Variants in FAT3 observed in about 807,000 individuals in gnomAD.
The protein encoded by FAT3 is FAT atypical cadherin 3.
A neutral mutation model predicts 310.2 loss-of-function variants in FAT3; 95 were observed. That is an observed-to-expected ratio of 0.31 (90% CI 0.26 to 0.36). The LOEUF (loss-of-function observed/expected upper bound fraction) is 0.36, where lower values mean the gene tolerates loss of function less well. FAT3 is among the 10% of genes least tolerant of loss of function. The pLI, the probability that FAT3 is intolerant of heterozygous loss-of-function variation, is 1.00. For missense variants in FAT3, 5,408 were observed against 5,715.6 expected, an observed-to-expected ratio of 0.95 and a Z score of 1.74; for synonymous variants, 2,314 against 2,192.9, an observed-to-expected ratio of 1.06 and a Z score of -1.54.
At chr11:92,813,065 C>T (rs532779843) in intron 13 of FAT3, among the ~76,000 whole-genome samples, 1 of 152,200 alleles carries the variant, frequency 6.6e-6, no homozygotes, top group African/African-American at 2.4e-5. Context: ...GTGTTTGCTT[C>T]CCTTTGACCT....
At chr11:92,565,055 A>C (rs566768660) in intron 3 of FAT3, among the ~76,000 whole-genome samples, 3 of 145,102 alleles carry the variant, frequency 2.1e-5, no homozygotes, top group African/African-American at 7.4e-5. Flanking sequence ...ACTGAAGGAA[A>C]TAGAGACACA....
At chr11:92,777,731 G>C (rs3847528) in intron 7 of FAT3, among the ~76,000 whole-genome samples, 1 of 151,786 alleles carries the variant, frequency 6.6e-6, no homozygotes, top group South Asian at 2.1e-4. Context: ...TAACTTCTCC[G>C]CACCCTAGTC....
chr11:92,288,201 C>T (rs1946605749), intron 1 of FAT3, among the ~76,000 whole-genome samples: 1 of 151,938 alleles, frequency 6.6e-6, no homozygotes, highest in Non-Finnish European at 1.5e-5. Flanking sequence ...GGACATTATG[C>T]AAAGTAAAAT....
rs764711820 is a variant in FAT3, at chr11:92,800,581, G to A, written c.7568G>A (p.Gly2523Asp). 1 of 1,613,802 alleles carries A rather than the reference G, an allele frequency of 6.2e-7. No individual in the cohort carries two copies. Residue 2523 changes from glycine (G) to aspartate (D), a missense_variant, in exon 10 of 28, where the codon GGT (glycine) becomes GAT (aspartate). Physicochemically the swap from Gly to Asp is moderately conservative, Grantham distance 94. This residue lies in a region of FAT3 where 4,588 missense variants were observed against 4,809.8 expected (regional missense o/e 0.95). Transcript: ENST00000525166. ...GTAATTCATGTTCGAGCCACAGATG[G>A]TGATCCAGGGACTTATGGGCAGATC... is the stretch of plus-strand genomic sequence containing the variant. Reference protein sequence around the residue: ...TKVIHVRATDGDPGTYGQISY... With the variant: ...TKVIHVRATDDDPGTYGQISY...
At chr11:92,521,828 A>G (rs926899867) in intron 2 of FAT3, among the ~76,000 whole-genome samples, 2 of 152,114 alleles carry the variant, frequency 1.3e-5, no homozygotes, top group Admixed American at 1.3e-4. Flanking sequence ...TCCTCAGTAA[A>G]TGCTATTTCC....
chr11:92,536,547 T>C (rs193148509), intron 3 of FAT3, among the ~76,000 whole-genome samples: 1 of 152,292 alleles, frequency 6.6e-6, no homozygotes, highest in East Asian at 1.9e-4. Context: ...ATATGTAAAG[T>C]ATTTTAAAGG....
chr11:92,259,186 A>G (rs143080837), intron 1 of FAT3, among the ~76,000 whole-genome samples: 385 of 152,194 alleles, frequency 2.5e-3, no homozygotes, highest in Non-Finnish European at 3.3e-3. Flanking sequence ...CTTTATTTCA[A>G]TTATTTAAGA....
rs139668985 is a variant in FAT3, at chr11:92,872,214, G to T, written c.12127+5005G>T. Among the ~76,000 whole-genome samples the T allele has an allele frequency of 2.7e-3, 407 of 152,316 alleles. 4 individuals carry two copies. The highest frequency in any genetic ancestry group is 9.2e-3 in the African/African-American group (381 of 41,566). ...GCTGAATACTTTGTGTTCCTAACTT[G>T]TAAGAATCGAGATAAATTTAGTCCA... On this transcript the variant is annotated intron_variant, in intron 22 of 27. Coordinates refer to ENST00000525166, the MANE Select transcript of FAT3 (RefSeq NM_001367949.2).
intron 1 of FAT3, among the ~76,000 whole-genome samples, chr11:92,282,026 C>A (rs910651943): frequency 6.6e-6 from 1 of 152,070 alleles, no homozygotes; most frequent in Non-Finnish European, 1.5e-5. Context: ...CTGCCTCAGT[C>A]TCCTGGGGAG....
chr11:92,521,711 G>A (rs1953690692), intron 2 of FAT3, among the ~76,000 whole-genome samples: 1 of 152,152 alleles, frequency 6.6e-6, no homozygotes, highest in African/African-American at 2.4e-5. Flanking sequence ...ACATTTAGCT[G>A]TGGAGCCTTG....
chr11:92,592,924 A>G (rs1939510294), intron 3 of FAT3, among the ~76,000 whole-genome samples: 1 of 152,084 alleles, frequency 6.6e-6, no homozygotes, highest in Non-Finnish European at 1.5e-5. Context: ...AACTGTTTTC[A>G]TTTTGCAAAA....
intron 2 of FAT3, among the ~76,000 whole-genome samples, chr11:92,431,686 G>A (rs895604460): frequency 5.9e-5 from 9 of 152,220 alleles, no homozygotes; most frequent in African/African-American, 2.2e-4. Flanking sequence ...ATTAATTTTT[G>A]TATAAGGTAT....
chr11:92,719,720 CTGTGTGTGTGTGTGTG>C lies in FAT3; in HGVS notation c.3669+22311_3669+22326del, dbSNP rs751825746. Among the ~76,000 whole-genome samples, 1,254 of 136,852 alleles carry C rather than the reference CTGTGTGTGTGTGTGTG, an allele frequency of 9.2e-3. 12 individuals are homozygous for C. Among genetic ancestry groups the C allele is most frequent in the South Asian group, 0.022 (88 of 3,936 alleles). The allele number at this position is 136,852 out of a possible 152,430, so 89.8% of individuals were successfully genotyped here. ...ACCCATGGATACAGGAGAACCAACT[CTGTGTGTGTGTGTGTG>C]TGTGTGTGTGTGTGTGTGTGTGTGT... On this transcript the variant is annotated intron_variant, in intron 4 of 27. Coordinates refer to ENST00000525166, the MANE Select transcript of FAT3 (RefSeq NM_001367949.2).
chr11:92,840,434 C>T, intron 17 of FAT3, 128 bp from the exon 18 acceptor site: 1 of 817,988 alleles, frequency 1.2e-6, no homozygotes, highest in Non-Finnish European at 1.8e-6. Context: ...CTGCTGAAAG[C>T]CCTGTTTTCT....
In FAT3 at chr11:92,353,184, G is replaced by C. The variant is rs1341121106; in HGVS notation, c.1072G>C (p.Ala358Pro). The C allele has an allele frequency of 1.2e-6, 2 of 1,613,666 alleles. No individual in the cohort carries two copies. The highest frequency in any genetic ancestry group is 2.2e-5 in the South Asian group (2 of 91,054). ...CAAGGGATCTCCTCAAAAATGTTCA[G>C]CATTAAAGGCAGTCTACATTGGCAA... ...KDKGSPQKCSALKAVYIGNPT... is the reference protein window; with the variant it reads ...KDKGSPQKCSPLKAVYIGNPT... The change falls in exon 2 of 28, where the codon GCA becomes CCA. Residue 358 changes from alanine (A) to proline (P), a missense_variant. Coordinates refer to ENST00000525166, the MANE Select transcript of FAT3 (RefSeq NM_001367949.2).
rs145995539 is a variant in FAT3, at chr11:92,819,545, C to T, written c.9481+9469C>T. Among the ~76,000 whole-genome samples the T allele has an allele frequency of 3.4e-4, 52 of 152,272 alleles. 1 individual carries two copies. In the East Asian group the frequency reaches 7.7e-3, roughly 23 times the overall value. On this transcript the variant is annotated intron_variant, in intron 13 of 27. Coordinates refer to ENST00000525166, the MANE Select transcript of FAT3 (RefSeq NM_001367949.2). ...ATTCTTAATATTTTTGTGTCACAAA[C>T]GCCTTAACAGTTTGGTAATACCTGT... is the stretch of plus-strand genomic sequence containing the variant.
intron 3 of FAT3, among the ~76,000 whole-genome samples, chr11:92,586,110 A>C (rs1939139996): frequency 6.6e-6 from 1 of 152,016 alleles, no homozygotes; most frequent in Non-Finnish European, 1.5e-5. Flanking sequence ...TCAGATAGAA[A>C]AGGTAAAGGC....
intron 1 of FAT3, among the ~76,000 whole-genome samples, chr11:92,258,367 G>A (rs1865397070): frequency 6.6e-6 from 1 of 152,140 alleles, no homozygotes; most frequent in Non-Finnish European, 1.5e-5. Flanking sequence ...AGAGCTCCAA[G>A]GGATCAAAGT....
intron 21 of FAT3, among the ~76,000 whole-genome samples, chr11:92,862,379 A>G (rs1949139521): frequency 6.6e-6 from 1 of 152,138 alleles, no homozygotes; most frequent in Non-Finnish European, 1.5e-5. Context: ...AACCACCAGA[A>G]GAGATGTAAG....
Sources: allele counts gnomAD v4.1 joint callset (sites outside exome capture counted in the v4.1 genomes callset), GRCh38; gene constraint gnomAD v4.1.1; regional missense constraint gnomAD v4.1.1; transcripts MANE v1.5; gene names NCBI Gene and HGNC (gene_info 2026-07-23, HGNC 2026-07-21).